BTAF1: variants seen among roughly 807,000 people sequenced by gnomAD.
BTAF1 encodes the protein TATA-binding protein-associated factor 172.
BTAF1 carries 38 observed loss-of-function variants against 227.1 expected under a neutral mutation model. That is an observed-to-expected ratio of 0.17 (90% CI 0.13 to 0.22). BTAF1 has a LOEUF of 0.22. Ranked by LOEUF, BTAF1 falls within the 10% of genes least tolerant of loss-of-function variation. BTAF1 has a pLI of 1.00. For synonymous variants in BTAF1, 742 were observed against 751.9 expected, an observed-to-expected ratio of 0.99 and a Z score of 0.21; for missense variants, 1,598 against 2,204.0, an observed-to-expected ratio of 0.73 and a Z score of 5.51.
chr10:91,928,369 T>G (rs1316278768), intron 1 of BTAF1, among the ~76,000 whole-genome samples: 1 of 152,158 alleles, frequency 6.6e-6, no homozygotes, highest in Non-Finnish European at 1.5e-5. Flanking sequence ...CATTTGAAGT[T>G]CTCTGTCAAA....
chr10:91,994,963 A>G (rs1849036151), intron 23 of BTAF1, among the ~76,000 whole-genome samples: 1 of 152,206 alleles, frequency 6.6e-6, no homozygotes, highest in Non-Finnish European at 1.5e-5. Context: ...TGATCCTAAT[A>G]ATACAGCTCC....
chr10:92,008,080 TG>T, intron 25 of BTAF1, 42 bp from the exon 26 acceptor site: 1 of 1,503,744 alleles, frequency 6.7e-7, no homozygotes, highest in Non-Finnish European at 8.9e-7. Context: ...GAATGAAAAC[TG>T]TGAGTACGTA....
In BTAF1 at chr10:91,981,740, C is replaced by T; in HGVS notation, c.1853C>T (p.Ser618Phe). Residue 618 changes from serine to phenylalanine, a missense_variant, in exon 16 of 38, where the codon TCT (serine) becomes TTT (phenylalanine). Transcript: ENST00000265990. ...GAWLCLMMQP[S>F]HLPIDLNMLL... ...TGGCTTTGCTTGATGATGCAGCCTT[C>T]TCATTTACCTATCGATTTAAATATG... 6.2e-7 allele frequency: 1 copy of T among 1,613,780 alleles called. No homozygotes were observed. The highest frequency in any genetic ancestry group is 8.5e-7 in the Non-Finnish European group (1 of 1,179,826).
intron 19 of BTAF1, among the ~76,000 whole-genome samples, chr10:91,985,864 TTGTCAAGTA>T (rs1293439408): frequency 6.6e-6 from 1 of 152,202 alleles, no homozygotes; most frequent in East Asian, 1.9e-4. Context: ...TTCCAATCCT[TTGTCAAGTA>T]GATGCTTTCT....
Position 91,982,204 on chromosome 10 carries a change from G to C in BTAF1, c.2027G>C (p.Arg676Pro). ...GCCACCAGGGATTTTGTAGTTATGC[G>C]GGCCAGAATGATGGCAGCCAAGTGA... Reference protein sequence around the residue: ...DPATRDFVVMRARMMAAKLLG... With the variant: ...DPATRDFVVMPARMMAAKLLG... The change falls in exon 17 of 38, where the codon CGG becomes CCG. Residue 676 changes from arginine (R) to proline (P), a missense_variant. Around this residue, in one of 10 missense-constraint regions of BTAF1, gnomAD observed 318 missense variants for 435.0 expected, o/e 0.73. Transcript: ENST00000265990. The C allele has an allele frequency of 1.2e-6, 2 of 1,613,844 alleles. No homozygotes were observed. The highest frequency in any genetic ancestry group is 1.7e-6 in the Non-Finnish European group (2 of 1,179,880).
At chr10:91,940,932 A>G (rs1263964263) in intron 3 of BTAF1, among the ~76,000 whole-genome samples, 5 of 152,084 alleles carry the variant, frequency 3.3e-5, no homozygotes, top group Non-Finnish European at 7.4e-5. Context: ...GGCCTCAAGC[A>G]TGATTTAGCC....
chr10:91,952,157 TG>T lies in BTAF1; in HGVS notation c.564+592del, dbSNP rs1374356559. On this transcript the variant is annotated intron_variant, in intron 5 of 37. Coordinates refer to ENST00000265990, the MANE Select transcript of BTAF1 (RefSeq NM_003972.3). ...GTATATATGTATATGTGTGTGTGTG[TG>T]TTTGTGTGTGTGTGTGTGTGTGTAT... 8.8e-4 allele frequency among the ~76,000 whole-genome samples: 130 copies of T among 147,250 alleles called. 1 individual carries two copies. The East Asian group carries it at 0.02, about 23-fold the overall frequency.
chr10:91,946,501 A>G (rs1185515110), intron 4 of BTAF1, among the ~76,000 whole-genome samples: 4 of 152,246 alleles, frequency 2.6e-5, no homozygotes, highest in African/African-American at 9.6e-5. Flanking sequence ...CATTTGAGAA[A>G]CTGCCAGAGT....
chr10:92,025,092 C>A, intron 35 of BTAF1, 125 bp downstream of exon 35: 1 of 736,302 alleles, frequency 1.4e-6, no homozygotes, highest in Non-Finnish European at 2.2e-6. Flanking sequence ...TGTAATTCAC[C>A]CCAAATAAAC....
At chr10:91,947,470 C>G (rs1373589474) in intron 4 of BTAF1, among the ~76,000 whole-genome samples, 1 of 152,084 alleles carries the variant, frequency 6.6e-6, no homozygotes, top group Admixed American at 6.6e-5. Context: ...ATACTGTTCT[C>G]TTTCTCATTG....
At position 91,923,953 on chromosome 10, in the gene BTAF1, C is replaced by A. The variant is rs1589717613; in HGVS notation, c.-124C>A. On this transcript the variant is annotated 5_prime_UTR_variant, in exon 1 of 38. Transcript: ENST00000265990. The stretch of plus-strand genomic sequence containing the variant: ...CGAGGGCCTGCGCTGGAACGCCCCA[C>A]GCCGCACCGGCCGCTCCCCTGTGCT... 7.8e-7 allele frequency: 1 copy of A among 1,279,216 alleles called. No homozygotes were observed. The highest frequency in any genetic ancestry group is 1.0e-6 in the Non-Finnish European group (1 of 972,012). The allele number at this position is 1,279,216 out of a possible 1,614,324, so 79.2% of individuals were successfully genotyped here.
chr10:92,028,761 T>TTTA lies in BTAF1; in HGVS notation c.5407-27_5407-26insATT, dbSNP rs1554871297. The stretch of plus-strand genomic sequence containing the variant: ...TTGTGAAGTTAACCTCTCATTTTAT[T>TTTA]TTTTTTTTTTTTGCCAATTTTTCTT... On this transcript the variant is annotated intron_variant, in intron 37 of 37. Coordinates refer to ENST00000265990, the MANE Select transcript of BTAF1 (RefSeq NM_003972.3). 99 of 1,350,458 alleles carry TTTA rather than the reference T, an allele frequency of 7.3e-5. 1 individual carries two copies. Among genetic ancestry groups the TTTA allele is most frequent in the Middle Eastern group, 3.8e-4 (2 of 5,196 alleles). 83.7% of individuals were successfully genotyped at this position (1,350,458 alleles called of 1,614,324 possible).
chr10:91,986,176 T>C (rs955865446), intron 19 of BTAF1, among the ~76,000 whole-genome samples: 4 of 152,242 alleles, frequency 2.6e-5, no homozygotes, highest in Admixed American at 2.0e-4. Flanking sequence ...CTTACAGATA[T>C]CTAATTTTTC....
At chr10:91,924,697 C>A (rs1589719518) in intron 1 of BTAF1, among the ~76,000 whole-genome samples, 1 of 152,202 alleles carries the variant, frequency 6.6e-6, no homozygotes, top group East Asian at 1.9e-4. Context: ...AATCACAGAT[C>A]TTATATTCTT....
intron 35 of BTAF1, among the ~76,000 whole-genome samples, chr10:92,026,012 T>C (rs904902814): frequency 1.3e-5 from 2 of 152,182 alleles, no homozygotes; most frequent in African/African-American, 4.8e-5. Flanking sequence ...ATAATACCCT[T>C]ATAGAGCTAT....
intron 27 of BTAF1, 27 bp from the exon 28 acceptor site, chr10:92,009,014 A>C: frequency 1.2e-6 from 2 of 1,612,598 alleles, no homozygotes; most frequent in Non-Finnish European, 1.7e-6. Context: ...CAAGCTGGTT[A>C]ATTTATTGTG....
rs775887513 is a variant in BTAF1, at chr10:91,982,588, T to A, written c.2050T>A (p.Leu684Met). Reference protein sequence around the residue: ...VMRARMMAAKLLGALCCCICD... With the variant: ...VMRARMMAAKMLGALCCCICD... ...TAACTTCCTTTTTCTCCCTCTTAGGTTGTTAGGAGCACTTTGTTGCTGTAT... is the reference window on the plus strand; with the variant it reads ...TAACTTCCTTTTTCTCCCTCTTAGGATGTTAGGAGCACTTTGTTGCTGTAT... Residue 684 changes from leucine to methionine, a missense_variant and splice_region_variant, in exon 18 of 38, where the codon TTG becomes ATG. Around this residue, in one of 10 missense-constraint regions of BTAF1, gnomAD observed 318 missense variants for 435.0 expected, o/e 0.73. Coordinates refer to ENST00000265990, the MANE Select transcript of BTAF1 (RefSeq NM_003972.3). 6.2e-7 allele frequency: 1 copy of A among 1,611,920 alleles called. No individual in the cohort carries two copies. Among genetic ancestry groups the A allele is most frequent in the Admixed American group, 1.7e-5 (1 of 59,592 alleles).
chr10:91,992,041 TTTATCTC>T, intron 20 of BTAF1, 71 bp from the exon 21 acceptor site: 1 of 1,236,854 alleles, frequency 8.1e-7, no homozygotes, highest in Non-Finnish European at 1.1e-6. Context: ...TTAAAAATGT[TTTATCTC>T]TTATGGAGCT....
At chr10:91,979,516 C>T (rs1847931446) in intron 14 of BTAF1, among the ~76,000 whole-genome samples, 1 of 151,984 alleles carries the variant, frequency 6.6e-6, no homozygotes, top group Non-Finnish European at 1.5e-5. Flanking sequence ...ATTTATTATC[C>T]CTAGAACCTG....
Sources: allele counts gnomAD v4.1 joint callset (sites outside exome capture counted in the v4.1 genomes callset), GRCh38; gene constraint gnomAD v4.1.1; regional missense constraint gnomAD v4.1.1; transcripts MANE v1.5; gene names NCBI Gene and HGNC (gene_info 2026-07-23, HGNC 2026-07-21).